The following RBM47 variants were observed in gnomAD, a reference collection of about 807,000 sequenced individuals.
RBM47 encodes the protein RNA binding motif protein 47.
A neutral mutation model predicts 47.1 loss-of-function variants in RBM47; 21 were observed. That is an observed-to-expected ratio of 0.45 (90% CI 0.32 to 0.64). The LOEUF is 0.64. RBM47 is among the 30% of genes least tolerant of loss of function. RBM47 has a pLI of 0.05. For missense variants in RBM47, 708 were observed against 870.9 expected, an observed-to-expected ratio of 0.81 and a Z score of 2.35; for synonymous variants, 375 against 361.7, an observed-to-expected ratio of 1.04 and a Z score of -0.42.
intron 1 of RBM47, among the ~76,000 whole-genome samples, chr4:40,554,575 C>A (rs1340313856): frequency 6.6e-6 from 1 of 151,996 alleles, no homozygotes; most frequent in African/African-American, 2.4e-5. Context: ...GAATTCTTTC[C>A]AAGATGTACA....
chr4:40,513,931 C>A (rs763914601), intron 2 of RBM47, among the ~76,000 whole-genome samples: 1 of 151,932 alleles, frequency 6.6e-6, no homozygotes, highest in African/African-American at 2.4e-5. Flanking sequence ...GTTGGCCAGG[C>A]TCGTCTCGAA....
chr4:40,607,328 T>C lies in RBM47; in HGVS notation c.-240+22068A>G, dbSNP rs535327383. ...GGCAAATCTATAGTCAAAAAGTTGA[T>C]TACTGGTTGCCAGGGGATGGGAGAG... On this transcript the variant is annotated intron_variant, in intron 1 of 6. Transcript: ENST00000295971. Among the ~76,000 whole-genome samples, 6 of 152,304 alleles carry C rather than the reference T, an allele frequency of 3.9e-5. No homozygotes were observed. The East Asian group carries it at 1.2e-3, about 29-fold the overall frequency.
At chr4:40,502,986 C>CAAA (rs35856007) in intron 2 of RBM47, among the ~76,000 whole-genome samples, 3 of 86,448 alleles carry the variant, frequency 3.5e-5, no homozygotes, top group African/African-American at 4.6e-5. Flanking sequence ...CCTGTCTGTA[C>CAAA]AAAAAAAAAA....
intron 5 of RBM47, among the ~76,000 whole-genome samples, chr4:40,435,056 C>T (rs953761973): frequency 1.3e-5 from 2 of 152,050 alleles, no homozygotes; most frequent in African/African-American, 4.8e-5. Flanking sequence ...TTTGCAGGTT[C>T]GGATCAGAAG....
At chr4:40,462,660 T>G (rs2154229143) in intron 3 of RBM47, among the ~76,000 whole-genome samples, 1 of 152,198 alleles carries the variant, frequency 6.6e-6, no homozygotes, top group East Asian at 1.9e-4. Flanking sequence ...GGAAGAAAAA[T>G]CATTCAGAAC....
intron 1 of RBM47, among the ~76,000 whole-genome samples, chr4:40,588,180 T>A (rs1733775922): frequency 6.6e-6 from 1 of 152,132 alleles, no homozygotes. Context: ...ACCAATAATT[T>A]TCATTTGCTA....
chr4:40,525,592 GA>G (rs1259056710), intron 2 of RBM47, among the ~76,000 whole-genome samples: 4 of 152,072 alleles, frequency 2.6e-5, no homozygotes, highest in African/African-American at 9.7e-5. Flanking sequence ...AGCCAGGGGC[GA>G]AAGAACTTCG....
At chr4:40,503,177 GAAGA>G (rs1577821837) in intron 2 of RBM47, among the ~76,000 whole-genome samples, 2 of 149,710 alleles carry the variant, frequency 1.3e-5, no homozygotes, top group East Asian at 4.0e-4. Context: ...CTAAAACTGA[GAAGA>G]AAGAAAAACT....
intron 1 of RBM47, among the ~76,000 whole-genome samples, chr4:40,546,659 G>A (rs1216722787): frequency 2.6e-5 from 4 of 152,164 alleles, no homozygotes; most frequent in African/African-American, 9.7e-5. Context: ...ATTAACTAAG[G>A]TTGAGCTTCT....
At chr4:40,581,443 A>AAT (rs1200997930) in intron 1 of RBM47, among the ~76,000 whole-genome samples, 1 of 148,340 alleles carries the variant, frequency 6.7e-6, no homozygotes, top group Non-Finnish European at 1.5e-5. Flanking sequence ...ATAATAAATA[A>AAT]ATAAATAAAT....
intron 2 of RBM47, among the ~76,000 whole-genome samples, chr4:40,528,394 T>C (rs1726967241): frequency 7.2e-6 from 1 of 139,314 alleles, no homozygotes; most frequent in Non-Finnish European, 1.5e-5. Flanking sequence ...GGCGACAGAG[T>C]GAGGCTTTTT....
At chr4:40,429,966 G>A (rs776573525) in intron 6 of RBM47, among the ~76,000 whole-genome samples, 1 of 152,002 alleles carries the variant, frequency 6.6e-6, no homozygotes, top group Non-Finnish European at 1.5e-5. Flanking sequence ...AGGCTGAGGA[G>A]GGCGGATCAT....
At chr4:40,449,432 T>C in intron 3 of RBM47, among the ~76,000 whole-genome samples, 1 of 152,254 alleles carries the variant, frequency 6.6e-6, no homozygotes, top group East Asian at 1.9e-4. Context: ...GTACAGATTT[T>C]GTTATGTCAA....
At chr4:40,575,491 G>A (rs1219572511) in intron 1 of RBM47, among the ~76,000 whole-genome samples, 1 of 144,150 alleles carries the variant, frequency 6.9e-6, no homozygotes, top group Non-Finnish European at 1.5e-5. Flanking sequence ...GGCAGCGGTT[G>A]CGGTGAGTCG....
intron 3 of RBM47, among the ~76,000 whole-genome samples, chr4:40,461,216 C>T (rs1301344132): frequency 6.6e-6 from 1 of 152,126 alleles, no homozygotes; most frequent in East Asian, 1.9e-4. Flanking sequence ...ATTCATGTCT[C>T]GCGTACTCTG....
chr4:40,569,771 C>T (rs1186965782), intron 1 of RBM47, among the ~76,000 whole-genome samples: 8 of 148,670 alleles, frequency 5.4e-5, no homozygotes, highest in African/African-American at 1.2e-4. Flanking sequence ...AGTGCAGTGC[C>T]GCAATCTCGG....
At chr4:40,542,799 T>G (rs532899100) in intron 2 of RBM47, 3 of 152,332 alleles carry the variant, frequency 2.0e-5, no homozygotes, top group South Asian at 2.1e-4. Context: ...GGCCTCCCTA[T>G]GTGCTGGGAT....
chr4:40,515,689 A>G (rs967190198), intron 2 of RBM47, among the ~76,000 whole-genome samples: 2 of 152,182 alleles, frequency 1.3e-5, no homozygotes, highest in African/African-American at 2.4e-5. Context: ...ACCTTGAGGG[A>G]GTAACTTAAC....
chr4:40,472,360 A>C (rs2154237639), intron 2 of RBM47, among the ~76,000 whole-genome samples: 1 of 152,252 alleles, frequency 6.6e-6, no homozygotes, highest in East Asian at 1.9e-4. Flanking sequence ...GGATCACCTG[A>C]GGTCAGGAGT....
Sources: allele counts gnomAD v4.1 joint callset (sites outside exome capture counted in the v4.1 genomes callset), GRCh38; gene constraint gnomAD v4.1.1; transcripts MANE v1.5; gene names NCBI Gene and HGNC (gene_info 2026-07-23, HGNC 2026-07-21).